Variants in DACH2 observed in about 807,000 individuals in gnomAD.
The protein encoded by DACH2 is dachshund homolog 2.
DACH2 carries 17 observed loss-of-function variants against 35.8 expected under a neutral mutation model. The ratio of observed to expected loss-of-function variants is 0.48; its 90% confidence interval spans 0.33 to 0.71. The LOEUF is 0.71. Ranked by LOEUF, DACH2 falls within the 30% of genes least tolerant of loss-of-function variation. DACH2 has a pLI of 0.02. For synonymous variants in DACH2, 195 were observed against 177.3 expected (o/e 1.10, Z -0.79); for missense variants, 469 against 472.7 (o/e 0.99, Z 0.07).
intron 7 of DACH2, among the ~76,000 whole-genome samples, chrX:86,779,910 T>G (rs2042073409): frequency 9.0e-6 from 1 of 111,413 alleles, no homozygotes; most frequent in South Asian, 3.8e-4. Context: ...ATAAAGCACT[T>G]TGGCTGGCAC....
chrX:86,391,686 T>C (rs1423256810), intron 2 of DACH2, among the ~76,000 whole-genome samples: 1 of 111,533 alleles, frequency 9.0e-6, no homozygotes, highest in Non-Finnish European at 1.9e-5. Context: ...TCTCTGGTCA[T>C]ACTTTTTATT....
At chrX:86,519,751 T>C (rs1162407107) in intron 3 of DACH2, among the ~76,000 whole-genome samples, 3 of 111,158 alleles carry the variant, frequency 2.7e-5, no homozygotes, top group African/African-American at 9.8e-5. Context: ...ATTCCCTTCA[T>C]CATCTCTAAT....
chrX:86,573,551 C>G (rs1249850747), intron 3 of DACH2, among the ~76,000 whole-genome samples: 5 of 111,615 alleles, frequency 4.5e-5, no homozygotes, highest in African/African-American at 1.6e-4. Context: ...GCTACTGACA[C>G]TCAGTCCAGG....
At chrX:86,648,839 T>G (rs959677246) in intron 3 of DACH2, among the ~76,000 whole-genome samples, 6 of 111,159 alleles carry the variant, frequency 5.4e-5, no homozygotes, top group African/African-American at 1.6e-4. Flanking sequence ...ATACAAAATA[T>G]ATGTTATATA....
intron 2 of DACH2, among the ~76,000 whole-genome samples, chrX:86,463,759 T>G (rs796838506): frequency 9.0e-6 from 1 of 110,629 alleles, no homozygotes; most frequent in African/African-American, 3.3e-5. Context: ...TGGGAGAAAA[T>G]TTTTGCAATC....
At chrX:86,324,841 A>G (rs1433426645) in intron 1 of DACH2, among the ~76,000 whole-genome samples, 1 of 109,807 alleles carries the variant, frequency 9.1e-6, no homozygotes, top group Non-Finnish European at 1.9e-5. Flanking sequence ...ATTTTAAGAA[A>G]TTGTCACAGC....
intron 4 of DACH2, among the ~76,000 whole-genome samples, chrX:86,664,153 C>T (rs1280451410): frequency 8.9e-6 from 1 of 111,887 alleles, no homozygotes; most frequent in Non-Finnish European, 1.9e-5. Flanking sequence ...AATGGAACAT[C>T]AATGCATTGT....
chrX:86,773,788 T>A (rs1191097830), intron 7 of DACH2, among the ~76,000 whole-genome samples: 2 of 111,929 alleles, frequency 1.8e-5, no homozygotes, highest in Admixed American at 9.6e-5. Context: ...CACCACCACA[T>A]ATCAAAGCCT....
chrX:86,711,994 T>G (rs1208300030), intron 5 of DACH2, among the ~76,000 whole-genome samples: 1 of 111,851 alleles, frequency 8.9e-6, no homozygotes, highest in Non-Finnish European at 1.9e-5. Context: ...ATTACACTGT[T>G]AAGGGAACTG....
At chrX:86,570,585 T>C (rs1382503031) in intron 3 of DACH2, among the ~76,000 whole-genome samples, 1 of 109,994 alleles carries the variant, frequency 9.1e-6, no homozygotes, top group East Asian at 2.9e-4. Context: ...CTGGGGCCTG[T>C]TGGGGGAGGG....
At chrX:86,757,633 G>A (rs1224435837) in intron 7 of DACH2, among the ~76,000 whole-genome samples, 2 of 111,554 alleles carry the variant, frequency 1.8e-5, no homozygotes, top group Non-Finnish European at 3.8e-5. Context: ...GAATCATAGG[G>A]GTGGACTTCT....
At chrX:86,433,908 G>T (rs1008057791) in intron 2 of DACH2, among the ~76,000 whole-genome samples, 29 of 111,676 alleles carry the variant, frequency 2.6e-4, no homozygotes, top group African/African-American at 9.1e-4. Flanking sequence ...ACATTATCAT[G>T]CATGTCCCTG....
chrX:86,657,001 A>G (rs2040550667), intron 4 of DACH2, among the ~76,000 whole-genome samples: 1 of 106,180 alleles, frequency 9.4e-6, no homozygotes, highest in African/African-American at 3.4e-5. Context: ...ACGGAAAGAC[A>G]AACTTTGCAT....
At chrX:86,186,526 A>C (rs775416303) in intron 1 of DACH2, among the ~76,000 whole-genome samples, 37 of 112,055 alleles carry the variant, frequency 3.3e-4, no homozygotes, top group Non-Finnish European at 6.8e-4. Flanking sequence ...TTTAAATGAT[A>C]AAATGGAGTT....
At chrX:86,450,328 GT>G (rs1292197345) in intron 2 of DACH2, among the ~76,000 whole-genome samples, 1 of 111,125 alleles carries the variant, frequency 9.0e-6, no homozygotes, top group East Asian at 2.9e-4. Flanking sequence ...GCAGTGTTTG[GT>G]TTTCTCTTCC....
intron 5 of DACH2, among the ~76,000 whole-genome samples, chrX:86,713,986 T>C (rs936918417): frequency 2.0e-4 from 22 of 111,838 alleles, no homozygotes; most frequent in African/African-American, 6.8e-4. Flanking sequence ...TTATTATTTA[T>C]TGACAAAGAC....
chrX:86,395,741 T>C (rs1193034184), intron 2 of DACH2, among the ~76,000 whole-genome samples: 3 of 112,216 alleles, frequency 2.7e-5, no homozygotes, highest in Admixed American at 1.9e-4. Context: ...GGCTGCATAG[T>C]ATTCCATGGT....
chrX:86,242,155 T>A (rs6623597), intron 1 of DACH2, among the ~76,000 whole-genome samples: 2,243 of 112,013 alleles, frequency 0.02, 61 homozygotes, highest in African/African-American at 0.067. Context: ...GAATTGTAGG[T>A]CCACTGACAG....
intron 3 of DACH2, among the ~76,000 whole-genome samples, chrX:86,540,661 G>T (rs189989680): frequency 3.7e-4 from 41 of 111,475 alleles, no homozygotes; most frequent in African/African-American, 1.3e-3. Flanking sequence ...TTATTTATTT[G>T]TTTGTTTTTT....
Sources: allele counts gnomAD v4.1 joint callset (sites outside exome capture counted in the v4.1 genomes callset), GRCh38; gene constraint gnomAD v4.1.1; transcripts MANE v1.5; gene names NCBI Gene and HGNC (gene_info 2026-07-23, HGNC 2026-07-21).